Variants in NECAB2 observed in about 807,000 individuals in gnomAD.
NECAB2 encodes N-terminal EF-hand calcium binding protein 2, also known as N-terminal EF-hand calcium-binding protein 2.
A neutral mutation model predicts 51.9 loss-of-function variants in NECAB2; 68 were observed. The ratio of observed to expected loss-of-function variants is 1.31; its 90% CI spans 1.08 to 1.60. The LOEUF (loss-of-function observed/expected upper bound fraction) is 1.60. NECAB2 is among the 40% of genes most tolerant of loss of function. The pLI, the probability that NECAB2 is intolerant of heterozygous loss-of-function variation, is 0.00. For missense variants in NECAB2, 854 were observed against 490.3 expected (o/e 1.74, Z -7.00); for synonymous variants, 329 against 203.5 (o/e 1.62, Z -5.25).
At chr16:83,998,467 C>T in intron 10 of NECAB2, 150 bp downstream of exon 10, 2 of 724,642 alleles carry the variant, frequency 2.8e-6, no homozygotes, top group Non-Finnish European at 4.5e-6. Flanking sequence ...GGGTTCAGGT[C>T]TCTACTGAGG....
intron 2 of NECAB2, 72 bp from the exon 3 acceptor site, chr16:83,978,371 GC>G (rs1321273971): frequency 8.3e-7 from 1 of 1,205,162 alleles, no homozygotes; most frequent in Non-Finnish European, 1.2e-6. Context: ...GGATTTGGGG[GC>G]CGTGCATGCA....
intron 2 of NECAB2, 83 bp from the exon 3 acceptor site, chr16:83,978,361 G>T: frequency 3.7e-6 from 4 of 1,074,384 alleles, no homozygotes; most frequent in Non-Finnish European, 4.2e-6. Context: ...GCCATTGACT[G>T]GATTTGGGGG....
At chr16:83,981,628 G>T (rs2084491071) in intron 5 of NECAB2, among the ~76,000 whole-genome samples, 1 of 152,130 alleles carries the variant, frequency 6.6e-6, no homozygotes, top group South Asian at 2.1e-4. Flanking sequence ...GCTCACAAAG[G>T]TGAACTCAAC....
At chr16:83,966,011 TCGGC>T, upstream of NECAB2, 1 of 1,541,418 alleles carries the variant, frequency 6.5e-7, no homozygotes, top group Non-Finnish European at 8.7e-7. Flanking sequence ...ACCCTAACAC[TCGGC>T]CAGACCCGCT....
chr16:83,980,708 G>A, intron 3 of NECAB2, 131 bp from the exon 4 acceptor site: 3 of 1,260,038 alleles, frequency 2.4e-6, no homozygotes, highest in Admixed American at 2.0e-5. Context: ...TCTTCTGTAA[G>A]GCGGAGCTTG....
Position 84,001,778 on chromosome 16 carries a change from A to T in NECAB2, c.1041-47A>T, listed in dbSNP as rs367753844. ...GGATTAACAGGGGAGCCACACGCGG[A>T]GCTCCACTCCTGCCACCCCTGACTC... On this transcript the variant is annotated intron_variant, in intron 11 of 12. Coordinates refer to ENST00000305202, the MANE Select transcript of NECAB2 (RefSeq NM_019065.3). 4.4e-6 allele frequency: 7 copies of T among 1,597,510 alleles called. No homozygotes were observed. The African/African-American group carries it at 8.1e-5, about 18-fold the overall frequency.
At chr16:83,988,205 A>T (rs2084578980) in intron 5 of NECAB2, among the ~76,000 whole-genome samples, 1 of 151,612 alleles carries the variant, frequency 6.6e-6, no homozygotes, top group Admixed American at 6.6e-5. Context: ...TTTTATTATG[A>T]TTGCTTTATT....
intron 5 of NECAB2, among the ~76,000 whole-genome samples, chr16:83,989,630 C>A (rs1031327642): frequency 6.6e-6 from 1 of 152,160 alleles, no homozygotes; most frequent in African/African-American, 2.4e-5. Context: ...GATCCCCCAA[C>A]ACAGCATCAT....
At chr16:83,980,003 C>T (rs1335486631) in intron 3 of NECAB2, among the ~76,000 whole-genome samples, 1 of 152,190 alleles carries the variant, frequency 6.6e-6, no homozygotes, top group Non-Finnish European at 1.5e-5. Context: ...AGGTTGGAGG[C>T]ACCTCCTGAC....
intron 2 of NECAB2, 92 bp downstream of exon 2, chr16:83,972,267 T>G: frequency 6.3e-7 from 1 of 1,583,258 alleles, no homozygotes. Flanking sequence ...AAGCGCAACC[T>G]TGAACCTAAA....
intron 5 of NECAB2, among the ~76,000 whole-genome samples, chr16:83,982,260 A>C (rs963032108): frequency 1.3e-5 from 2 of 152,212 alleles, no homozygotes; most frequent in Non-Finnish European, 2.9e-5. Flanking sequence ...ATATCTAACA[A>C]TAGTTGGGCC....
At chr16:83,999,565 C>G (rs1296376945) in intron 10 of NECAB2, among the ~76,000 whole-genome samples, 1 of 152,168 alleles carries the variant, frequency 6.6e-6, no homozygotes, top group East Asian at 1.9e-4. Context: ...AGGCTGAGCA[C>G]TGTAGCCCCT....
rs202082204 is a variant in NECAB2 at position 83,972,138 on chromosome 16, C to A, written c.202-13C>A. On this transcript the variant is annotated splice_polypyrimidine_tract_variant and intron_variant, in intron 1 of 12. Coordinates refer to ENST00000305202, the MANE Select transcript of NECAB2 (RefSeq NM_019065.3). The stretch of plus-strand genomic sequence containing the variant: ...CCCTGGCCCAGGGCTGACTCCGCCT[C>A]TCTTTTCTGCAGATTTTCCGCCGTG... 6.2e-7 allele frequency: 1 copy of A among 1,613,292 alleles called. No individual in the cohort carries two copies. The highest frequency in any genetic ancestry group is 8.5e-7 in the Non-Finnish European group (1 of 1,180,008).
At chr16:83,996,670 T>C (rs921301470) in intron 8 of NECAB2, among the ~76,000 whole-genome samples, 1 of 152,180 alleles carries the variant, frequency 6.6e-6, no homozygotes. Flanking sequence ...CGGGGTTCTC[T>C]GCCGTGACAT....
chr16:83,996,379 C>G (rs549269120), intron 8 of NECAB2, among the ~76,000 whole-genome samples: 2 of 152,204 alleles, frequency 1.3e-5, no homozygotes, highest in African/African-American at 2.4e-5. Flanking sequence ...AATGAGCGTG[C>G]AAGGTCCCTT....
intron 5 of NECAB2, 105 bp from the exon 6 acceptor site, chr16:83,990,389 A>G: frequency 6.8e-7 from 1 of 1,465,008 alleles, no homozygotes; most frequent in Non-Finnish European, 9.4e-7. Context: ...CCCTTTGCAA[A>G]GCAAATTCAC....
intron 5 of NECAB2, among the ~76,000 whole-genome samples, chr16:83,984,370 T>C (rs753133728): frequency 1.3e-5 from 2 of 152,130 alleles, no homozygotes; most frequent in African/African-American, 2.4e-5. Flanking sequence ...TTATGATTAT[T>C]TTTAAAAATC....
rs866536418 is a variant in NECAB2 at position 83,968,549 on chromosome 16, C to G, written c.-100C>G. On this transcript the variant is annotated 5_prime_UTR_variant, in exon 1 of 13. Transcript: ENST00000305202. ...GCCGCGGGGGCAGCGGGAGAGAGGG[C>G]GGGGCGGCGCGGGCAGCGCGGGGAG... 1.2e-5 allele frequency: 11 copies of G among 909,652 alleles called. No individual in the cohort carries two copies. The African/African-American group carries it at 2.0e-4, about 17-fold the overall frequency. 56.3% of individuals were successfully genotyped at this position (909,652 alleles called of 1,614,324 possible). A position where few individuals can be genotyped will look rare whatever the true frequency, so the allele number is the denominator to read the frequency against.
At chr16:83,980,799 C>G (rs750813704) in intron 3 of NECAB2, 40 bp from the exon 4 acceptor site, 2 of 1,556,808 alleles carry the variant, frequency 1.3e-6, no homozygotes, top group Admixed American at 2.0e-5. Context: ...CTAACCCCCT[C>G]TCTGTCTCTG....
Sources: gnomAD v4.1 joint callset for allele counts (sites outside exome capture counted in the v4.1 genomes callset) on GRCh38, gnomAD v4.1.1 for gene constraint, MANE v1.5 for transcripts, NCBI Gene and HGNC (gene_info 2026-07-23, HGNC 2026-07-21) for gene names.